The following MMS19 variants were observed in gnomAD, a reference collection of about 807,000 sequenced individuals.
MMS19 encodes MMS19 nucleotide excision repair protein homolog.
MMS19 carries 77 observed loss-of-function variants against 129.8 expected under a neutral mutation model. The observed-to-expected ratio is 0.59, with a 90% CI of 0.49 to 0.72. MMS19 has a LOEUF of 0.72. Ranked by LOEUF, MMS19 falls within the 30% of genes least tolerant of loss-of-function variation. MMS19 has a pLI of 0.00. For synonymous variants in MMS19, 491 were observed against 502.8 expected, an observed-to-expected ratio of 0.98 and a Z score of 0.31; for missense variants, 1,168 against 1,266.3, an observed-to-expected ratio of 0.92 and a Z score of 1.18.
At chr10:97,482,847 G>A (rs1290076527) in intron 2 of MMS19, among the ~76,000 whole-genome samples, 4 of 151,494 alleles carry the variant, frequency 2.6e-5, no homozygotes, top group African/African-American at 4.8e-5. Context: ...TGCAAGCTCC[G>A]CCTCGCGGGT....
At chr10:97,498,587 T>G, upstream of MMS19, 2 of 581,368 alleles carry the variant, frequency 3.4e-6, no homozygotes, top group African/African-American at 2.0e-5. Flanking sequence ...AGGCGGCTGC[T>G]GGGCACGCAG....
intron 9 of MMS19, 40 bp from the exon 10 acceptor site, chr10:97,470,243 G>A (rs367698596): frequency 1.6e-5 from 23 of 1,431,280 alleles, no homozygotes; most frequent in Admixed American, 3.7e-5. Flanking sequence ...GAGATGGGTG[G>A]TGTGTCAGTC....
intron 29 of MMS19, 55 bp downstream of exon 29, chr10:97,459,168 C>CT: frequency 6.4e-7 from 1 of 1,554,500 alleles, no homozygotes; most frequent in Non-Finnish European, 8.7e-7. Context: ...CAAAAAGGTA[C>CT]TTATGTGTCT....
Position 97,477,886 on chromosome 10 carries a change from A to C in MMS19, c.392T>G (p.Leu131Arg). ...ATGCACTTCCTGGAAGATGGCTTTA[A>C]GCACAGAAACAGCCAGCCCTGGGGG... The part of the protein sequence containing the change: ...ALPPGLAVSV[L>R]KAIFQEVHVQ... The change falls in exon 5 of 31, where the codon CTT becomes CGT. Residue 131 changes from leucine (L) to arginine (R), a missense_variant. Around this residue, in one of 3 missense-constraint regions of MMS19, gnomAD observed 329 missense variants for 328.6 expected, o/e 1.00. Transcript: ENST00000438925. 1.2e-6 allele frequency: 2 copies of C among 1,609,962 alleles called. No individual in the cohort carries two copies. Among genetic ancestry groups the C allele is most frequent in the Non-Finnish European group, 1.7e-6 (2 of 1,178,354 alleles).
chr10:97,491,447 A>G (rs190331423), intron 1 of MMS19, among the ~76,000 whole-genome samples: 19 of 152,118 alleles, frequency 1.2e-4, no homozygotes, highest in African/African-American at 4.6e-4. Flanking sequence ...TGGGTGGATC[A>G]TGAGGTCAGG....
chr10:97,460,912 G>T lies in MMS19; in HGVS notation c.2407C>A (p.Leu803Ile). ...ACTCCACTCCAACTCCTTACCCAGAGAAGAAGAGTGAAGGCCTGACTACGA... is the reference window on the plus strand; with the variant it reads ...ACTCCACTCCAACTCCTTACCCAGATAAGAAGAGTGAAGGCCTGACTACGA... Reference protein sequence around the residue: ...PCRSQAFTLLLWVTKALVLRY... With the variant: ...PCRSQAFTLLIWVTKALVLRY... The change falls in exon 24 of 31, where the codon CTC (leucine) becomes ATC (isoleucine). Residue 803 changes from leucine (L) to isoleucine (I), a missense_variant. Transcript: ENST00000438925. The T allele has an allele frequency of 1.3e-6, 2 of 1,577,850 alleles. No individual in the cohort carries two copies. The highest frequency in any genetic ancestry group is 1.7e-6 in the Non-Finnish European group (2 of 1,160,698).
chr10:97,477,920 C>T lies in MMS19; in HGVS notation c.358G>A (p.Val120Met), dbSNP rs1420705690. 6.2e-7 allele frequency: 1 copy of T among 1,603,016 alleles called. No homozygotes were observed. Among genetic ancestry groups the T allele is most frequent in the Middle Eastern group, 1.7e-4 (1 of 6,006 alleles). ...LQGLKALSLC[V>M]ALPPGLAVSV... ...ACAGCCAGCCCTGGGGGCAGGGCCA[C>T]ACACAGGCTCTGGGGGAGAGGAGAA... is the stretch of plus-strand genomic sequence containing the variant. Residue 120 changes from valine to methionine, a missense_variant, in exon 5 of 31, where the codon GTG (valine) becomes ATG (methionine). This residue lies in a region of MMS19 where 329 missense variants were observed against 328.6 expected (regional missense o/e 1.00). Coordinates refer to ENST00000438925, the MANE Select transcript of MMS19 (RefSeq NM_022362.5).
chr10:97,459,062 A>G (rs933622995), intron 29 of MMS19, among the ~76,000 whole-genome samples, 161 bp downstream of exon 29: 4 of 152,042 alleles, frequency 2.6e-5, no homozygotes, highest in African/African-American at 9.7e-5. Context: ...TTCTGGGCCC[A>G]AGGAAAAGAA....
intron 14 of MMS19, among the ~76,000 whole-genome samples, chr10:97,467,180 T>G (rs1334296102): frequency 6.6e-6 from 1 of 152,276 alleles, no homozygotes; most frequent in Non-Finnish European, 1.5e-5. Flanking sequence ...GGTTTCACCA[T>G]ATTGGCCAGG....
chr10:97,460,946 A>C lies in MMS19; in HGVS notation c.2373T>G (p.Ser791=), dbSNP rs1434353565. Residue 791 remains serine (S), a synonymous_variant, in exon 24 of 31, where the codon TCT becomes TCG. Transcript: ENST00000438925. ...TGAAGGCCTGACTACGACAGGGCCC[A>C]GAGCCCAGGCCAGCCTCCACTTTGT... ...AVDKVEAGLG[S]GPCRSQAFTL... 1 of 1,582,596 alleles carries C rather than the reference A, an allele frequency of 6.3e-7. No individual in the cohort carries two copies. The highest frequency in any genetic ancestry group is 8.6e-7 in the Non-Finnish European group (1 of 1,164,014).
rs140280719 is a variant in MMS19, at chr10:97,461,916, C to T, written c.2116-20G>A. 149 of 1,593,530 alleles carry T rather than the reference C, an allele frequency of 9.4e-5. No homozygotes were observed. In the East Asian group the frequency reaches 3.0e-3, roughly 32 times the overall value. ...GCCATCCTATAAAGGAAGGAGAGCC[C>T]GATCAAGCCTGCCAGCAATAAGCTT... is the stretch of plus-strand genomic sequence containing the variant. On this transcript the variant is annotated intron_variant, in intron 21 of 30. Transcript: ENST00000438925.
At chr10:97,463,497 T>C (rs764068798) in intron 19 of MMS19, among the ~76,000 whole-genome samples, 56 of 152,142 alleles carry the variant, frequency 3.7e-4, no homozygotes, top group Admixed American at 2.6e-3. Context: ...AGTGAGGAAA[T>C]TGAAGCGTGG....
At chr10:97,483,195 G>A (rs1372630785) in intron 2 of MMS19, among the ~76,000 whole-genome samples, 1 of 152,146 alleles carries the variant, frequency 6.6e-6, no homozygotes, top group African/African-American at 2.4e-5. Flanking sequence ...TGGGACCACA[G>A]GCGCATGCCA....
chr10:97,492,843 A>G (rs953011667), intron 1 of MMS19, among the ~76,000 whole-genome samples: 9 of 134,878 alleles, frequency 6.7e-5, no homozygotes, highest in Non-Finnish European at 4.8e-5. Flanking sequence ...TGGGCAACAG[A>G]GCAAGACTTC....
chr10:97,469,489 T>G (rs1255829895), intron 11 of MMS19, among the ~76,000 whole-genome samples, 157 bp downstream of exon 11: 1 of 152,224 alleles, frequency 6.6e-6, no homozygotes, highest in East Asian at 1.9e-4. Flanking sequence ...TCTCTTGTCA[T>G]TCAACTAGAA....
rs1285490114 is a variant in MMS19 at position 97,467,830 on chromosome 10, ATTTTT to A, written c.1219-252_1219-248del. Among the ~76,000 whole-genome samples the A allele has an allele frequency of 3.6e-5, 5 of 137,396 alleles. No individual in the cohort carries two copies. The East Asian group carries it at 6.3e-4, about 17-fold the overall frequency. 90.1% of individuals were successfully genotyped at this position (137,396 alleles called of 152,430 possible). A position where few individuals can be genotyped will look rare whatever the true frequency, so the allele number is the denominator to read the frequency against. On this transcript the variant is annotated intron_variant, in intron 13 of 30. Coordinates refer to ENST00000438925, the MANE Select transcript of MMS19 (RefSeq NM_022362.5). ...AGATGCGTGCCACCTTATCCAGCTA[ATTTTT>A]TTTTTTTTTTTTTGTAGAGATGTGG...
Position 97,461,248 on chromosome 10 carries a change from C to T in MMS19, c.2312-241G>A, listed in dbSNP as rs2031806312. The T allele has an allele frequency of 9.9e-6, 6 of 608,096 alleles. No individual in the cohort carries two copies. The South Asian group carries it at 1.2e-4, about 13-fold the overall frequency. 37.7% of individuals were successfully genotyped at this position (608,096 alleles called of 1,614,324 possible). A position where few individuals can be genotyped will look rare whatever the true frequency, so the allele number is the denominator to read the frequency against. On this transcript the variant is annotated intron_variant, in intron 23 of 30. Coordinates refer to ENST00000438925, the MANE Select transcript of MMS19 (RefSeq NM_022362.5). Reference sequence around the variant, plus strand: ...CCAATAAAGAATTATCCACACTAGCCCCACTGTAGGGAGTAGGACGGCAGA... The same window carrying T: ...CCAATAAAGAATTATCCACACTAGCTCCACTGTAGGGAGTAGGACGGCAGA...
chr10:97,476,988 T>C (rs549314106), intron 6 of MMS19, 25 bp from the exon 7 acceptor site: 237 of 1,613,484 alleles, frequency 1.5e-4, no homozygotes, highest in Non-Finnish European at 1.9e-4. Flanking sequence ...ATAAGGTTAC[T>C]ATACTGTCCC....
chr10:97,466,090 G>A lies in MMS19; in HGVS notation c.1575C>T (p.Leu525=), dbSNP rs371837302. The change falls in exon 17 of 31, where the codon CTC becomes CTT. Residue 525 remains leucine (L), a synonymous_variant. Coordinates refer to ENST00000438925, the MANE Select transcript of MMS19 (RefSeq NM_022362.5). ...ALYPVAFSSH[L]VPKLAEELRV... ...GCAGCTCCTCAGCGAGCTTGGGTAC[G>A]AGGTGGCTGCTGAAGGCCACAGGGT... 1.2e-5 allele frequency: 20 copies of A among 1,610,494 alleles called. No homozygotes were observed. Among genetic ancestry groups the A allele is most frequent in the Admixed American group, 5.1e-5 (3 of 59,040 alleles).
Sources: gnomAD v4.1 joint callset for allele counts (sites outside exome capture counted in the v4.1 genomes callset) on GRCh38, gnomAD v4.1.1 for gene constraint, gnomAD v4.1.1 regional missense constraint, MANE v1.5 for transcripts, NCBI Gene and HGNC (gene_info 2026-07-23, HGNC 2026-07-21) for gene names.